Variants in AMBRA1 observed in about 807,000 individuals in gnomAD.
AMBRA1 encodes the protein autophagy and beclin 1 regulator 1.
AMBRA1 carries 47 observed loss-of-function variants against 125.4 expected under a neutral mutation model. That is an observed-to-expected ratio of 0.37 (90% CI 0.30 to 0.48). The LOEUF is 0.48. AMBRA1 is among the 20% of genes least tolerant of loss of function. AMBRA1 has a pLI of 0.99. For missense variants in AMBRA1, 1,331 were observed against 1,693.4 expected (o/e 0.79, Z 3.76); for synonymous variants, 626 against 655.5 (o/e 0.95, Z 0.69).
chr11:46,587,882 A>G (rs1286230010), intron 1 of AMBRA1, among the ~76,000 whole-genome samples: 1 of 152,196 alleles, frequency 6.6e-6, no homozygotes, highest in African/African-American at 2.4e-5. Context: ...CACAGTCACA[A>G]TCAAGAAATA....
At chr11:46,439,496 G>A (rs948005525) in intron 12 of AMBRA1, among the ~76,000 whole-genome samples, 3 of 152,108 alleles carry the variant, frequency 2.0e-5, no homozygotes, top group Admixed American at 6.5e-5. Flanking sequence ...ATATGGGGGG[G>A]AAATTGGATC....
chr11:46,564,946 A>G (rs984078459), intron 1 of AMBRA1, among the ~76,000 whole-genome samples: 7 of 152,212 alleles, frequency 4.6e-5, no homozygotes, highest in African/African-American at 1.7e-4. Flanking sequence ...CCAAGAATGT[A>G]GAGTGTGAGT....
At chr11:46,585,929 C>T (rs192352386) in intron 1 of AMBRA1, among the ~76,000 whole-genome samples, 2,857 of 150,098 alleles carry the variant, frequency 0.019, 37 homozygotes, top group Non-Finnish European at 0.031. Flanking sequence ...CCTCAGCCTC[C>T]CGAGTAGCTG....
At chr11:46,472,319 C>G (rs1190793881) in intron 11 of AMBRA1, among the ~76,000 whole-genome samples, 1 of 152,200 alleles carries the variant, frequency 6.6e-6, no homozygotes, top group African/African-American at 2.4e-5. Context: ...GTGTTCTTGT[C>G]ACTGGAACAT....
intron 15 of AMBRA1, among the ~76,000 whole-genome samples, chr11:46,413,330 A>G (rs539663457): frequency 1.3e-5 from 2 of 152,250 alleles, no homozygotes; most frequent in South Asian, 2.1e-4. Context: ...TGCTCCCCAC[A>G]AACAGGTCTA....
At chr11:46,506,497 T>C (rs940432764) in intron 9 of AMBRA1, among the ~76,000 whole-genome samples, 1 of 152,156 alleles carries the variant, frequency 6.6e-6, no homozygotes, top group Non-Finnish European at 1.5e-5. Context: ...TTAAACACAC[T>C]AAAAAGCTTT....
chr11:46,468,835 A>T (rs1949447933), intron 11 of AMBRA1, among the ~76,000 whole-genome samples: 1 of 150,864 alleles, frequency 6.6e-6, no homozygotes, highest in Non-Finnish European at 1.5e-5. Context: ...AAAAGAAAAA[A>T]GAAAAAGAGA....
intron 16 of AMBRA1, 102 bp downstream of exon 16, chr11:46,410,174 A>T: frequency 1.0e-6 from 1 of 996,084 alleles, no homozygotes; most frequent in East Asian, 2.4e-5. Context: ...CTGGTTGAGG[A>T]GGGACCCAGA....
At chr11:46,398,962 T>C (rs1371424821) in intron 17 of AMBRA1, among the ~76,000 whole-genome samples, 1 of 151,418 alleles carries the variant, frequency 6.6e-6, no homozygotes, top group Non-Finnish European at 1.5e-5. Context: ...TTAGTAGAGA[T>C]GGTGTTTCCC....
chr11:46,547,420 T>G, intron 3 of AMBRA1, 124 bp from the exon 4 acceptor site: 1 of 821,262 alleles, frequency 1.2e-6, no homozygotes, highest in Non-Finnish European at 1.9e-6. Context: ...AACTAAGCTT[T>G]GTATGTTAGG....
intron 17 of AMBRA1, among the ~76,000 whole-genome samples, chr11:46,407,836 A>G (rs1232508236): frequency 6.6e-6 from 1 of 152,140 alleles, no homozygotes; most frequent in Admixed American, 6.5e-5. Context: ...TGGAGCTAGG[A>G]TCAGCAAGGG....
At chr11:46,423,130 A>G (rs1165117885) in intron 14 of AMBRA1, among the ~76,000 whole-genome samples, 1 of 152,210 alleles carries the variant, frequency 6.6e-6, no homozygotes, top group Non-Finnish European at 1.5e-5. Flanking sequence ...TTCCATTGGA[A>G]ATGGATGGCT....
intron 7 of AMBRA1, among the ~76,000 whole-genome samples, chr11:46,520,256 A>C (rs764066093): frequency 5.9e-5 from 9 of 152,150 alleles, no homozygotes; most frequent in Non-Finnish European, 1.2e-4. Flanking sequence ...TTTAATACAC[A>C]AGCACACATT....
chr11:46,554,690 G>A (rs1215229548), intron 1 of AMBRA1, among the ~76,000 whole-genome samples: 3 of 152,298 alleles, frequency 2.0e-5, no homozygotes, highest in South Asian at 4.1e-4. Flanking sequence ...AGAACAAAGG[G>A]AGCTAAGTCA....
intron 1 of AMBRA1, among the ~76,000 whole-genome samples, chr11:46,560,106 G>A (rs1315287958): frequency 6.6e-6 from 1 of 152,128 alleles, no homozygotes; most frequent in Admixed American, 6.6e-5. Flanking sequence ...CTGACAAATT[G>A]AAAACAAATA....
At chr11:46,485,930 G>A (rs1381315989) in intron 11 of AMBRA1, among the ~76,000 whole-genome samples, 1 of 152,152 alleles carries the variant, frequency 6.6e-6, no homozygotes, top group Non-Finnish European at 1.5e-5. Context: ...GGACTCGAAT[G>A]CTCCAGTGAC....
intron 11 of AMBRA1, among the ~76,000 whole-genome samples, chr11:46,468,755 T>A (rs1949441433): frequency 7.1e-6 from 1 of 141,324 alleles, no homozygotes; most frequent in South Asian, 2.2e-4. Context: ...GAGCTTGCAG[T>A]GAGCCGAGAT....
intron 1 of AMBRA1, among the ~76,000 whole-genome samples, chr11:46,569,780 A>T (rs1470169856): frequency 1.3e-5 from 2 of 151,318 alleles, no homozygotes; most frequent in African/African-American, 4.9e-5. Flanking sequence ...GCTGGTCATG[A>T]GAGAAATCCC....
chr11:46,495,335 A>G (rs1156385231), intron 9 of AMBRA1: 1 of 152,240 alleles, frequency 6.6e-6, no homozygotes, highest in Non-Finnish European at 1.5e-5. Flanking sequence ...AAGTTAAGGC[A>G]ACACTTGGCT....
Sources: allele counts gnomAD v4.1 joint callset (sites outside exome capture counted in the v4.1 genomes callset), GRCh38; gene constraint gnomAD v4.1.1; transcripts MANE v1.5; gene names NCBI Gene and HGNC (gene_info 2026-07-23, HGNC 2026-07-21).